The following GPC5 variants were observed in gnomAD, a reference collection of about 807,000 sequenced individuals.
GPC5 encodes the protein glypican 5, also known as glypican-5.
Under a neutral mutation model 53.9 loss-of-function variants are expected in GPC5, and 47 were observed. The observed-to-expected ratio is 0.87, with a 90% CI of 0.69 to 1.11. The LOEUF is 1.11. Ranked by LOEUF, GPC5 falls within the 50% of genes most tolerant of loss-of-function variation. The pLI is 0.00. For missense variants in GPC5, 748 were observed against 713.1 expected (o/e 1.05, Z -0.56); for synonymous variants, 286 against 263.3 (o/e 1.09, Z -0.84).
At chr13:92,799,413 T>C (rs531011822) in intron 7 of GPC5, among the ~76,000 whole-genome samples, 46 of 151,952 alleles carry the variant, frequency 3.0e-4, no homozygotes, top group Non-Finnish European at 6.2e-4. Flanking sequence ...ATTACCATAA[T>C]AACACATAAT....
chr13:91,452,378 A>C (rs1383531937), intron 2 of GPC5, among the ~76,000 whole-genome samples: 7 of 152,184 alleles, frequency 4.6e-5, no homozygotes, highest in Admixed American at 4.6e-4. Flanking sequence ...GGGCAGAAAA[A>C]GAAAACTGCT....
At chr13:92,577,683 C>T (rs529795903) in intron 7 of GPC5, among the ~76,000 whole-genome samples, 1 of 152,150 alleles carries the variant, frequency 6.6e-6, no homozygotes, top group African/African-American at 2.4e-5. Flanking sequence ...ATAAGTTTTG[C>T]TTTCATTTAT....
rs191374941 is a variant in GPC5, at chr13:92,441,640, T to C, written c.1561+296651T>C. ...TACAGCTAACCAAGGAGGGGAAAGA[T>C]CTCTATTACAGATACTATGAAACAC... On this transcript the variant is annotated intron_variant, in intron 7 of 7. Transcript: ENST00000377067. Among the ~76,000 whole-genome samples the C allele has an allele frequency of 3.9e-4, 59 of 152,156 alleles. No homozygotes were observed. In the East Asian group the frequency reaches 0.01, roughly 26 times the overall value.
intron 7 of GPC5, among the ~76,000 whole-genome samples, chr13:92,174,377 C>A (rs934028188): frequency 0.011 from 1,085 of 100,582 alleles, 20 homozygotes; most frequent in African/African-American, 0.033. Context: ...AAAAAAAAAA[C>A]AAAAAAAAAT....
intron 7 of GPC5, among the ~76,000 whole-genome samples, chr13:92,757,342 A>G (rs1227448158): frequency 1.3e-5 from 2 of 152,234 alleles, no homozygotes; most frequent in South Asian, 2.1e-4. Flanking sequence ...AAGATGGATT[A>G]AAGACTTAAA....
At chr13:92,196,918 C>T (rs542090756) in intron 7 of GPC5, among the ~76,000 whole-genome samples, 388 of 152,202 alleles carry the variant, frequency 2.5e-3, no homozygotes, top group Non-Finnish European at 4.6e-3. Flanking sequence ...TGACATGCTC[C>T]TAAGTTAAAA....
chr13:91,499,449 A>G (rs1458799227), intron 2 of GPC5, among the ~76,000 whole-genome samples: 1 of 152,186 alleles, frequency 6.6e-6, no homozygotes, highest in Admixed American at 6.5e-5. Context: ...TTCTGCTCCT[A>G]ATTCTCCAAA....
At chr13:92,347,702 T>C (rs1050457510) in intron 7 of GPC5, among the ~76,000 whole-genome samples, 6 of 147,166 alleles carry the variant, frequency 4.1e-5, no homozygotes, top group African/African-American at 1.5e-4. Context: ...GGCAAAACTA[T>C]TAAAACTATA....
At chr13:91,778,098 A>G (rs930728383) in intron 5 of GPC5, among the ~76,000 whole-genome samples, 2 of 152,158 alleles carry the variant, frequency 1.3e-5, no homozygotes, top group African/African-American at 4.8e-5. Context: ...ACAGTCCACA[A>G]ACTCCTATAA....
chr13:92,606,731 A>G (rs917069430), intron 7 of GPC5, among the ~76,000 whole-genome samples: 5 of 152,046 alleles, frequency 3.3e-5, no homozygotes, highest in Admixed American at 6.5e-5. Context: ...GAAGGGTGAT[A>G]TTACAAGGGG....
rs2041856911 is a variant in GPC5, at chr13:92,144,994, G to C, written c.1561+5G>C. ...GGACACTGAAGATCACAGACTGTAA[G>C]TGTATGATTCTAACACCACTTTTTT... is the stretch of plus-strand genomic sequence containing the variant. On this transcript the variant is annotated splice_donor_5th_base_variant and intron_variant, in intron 7 of 7. Coordinates refer to ENST00000377067, the MANE Select transcript of GPC5 (RefSeq NM_004466.6). 3 of 1,431,636 alleles carry C rather than the reference G, an allele frequency of 2.1e-6. No individual in the cohort carries two copies. Among genetic ancestry groups the C allele is most frequent in the African/African-American group, 1.5e-5 (1 of 68,004 alleles). 88.7% of individuals were successfully genotyped at this position (1,431,636 alleles called of 1,614,324 possible).
chr13:91,844,081 A>G (rs2038821221), intron 5 of GPC5, among the ~76,000 whole-genome samples: 1 of 152,168 alleles, frequency 6.6e-6, no homozygotes, highest in Non-Finnish European at 1.5e-5. Context: ...TTTTACCAGG[A>G]CAGGAGGTAA....
At chr13:91,914,665 T>TATATTATA (rs1371002516) in intron 6 of GPC5, among the ~76,000 whole-genome samples, 1 of 149,410 alleles carries the variant, frequency 6.7e-6, no homozygotes, top group Non-Finnish European at 1.5e-5. Flanking sequence ...ACTCTGTTCT[T>TATATTATA]AGGATACCGA....
chr13:92,783,887 T>C (rs1227929022), intron 7 of GPC5, among the ~76,000 whole-genome samples: 1 of 152,106 alleles, frequency 6.6e-6, no homozygotes, highest in African/African-American at 2.4e-5. Context: ...AAATTTTAAT[T>C]TTTAGAAAGA....
intron 1 of GPC5, among the ~76,000 whole-genome samples, chr13:91,435,796 G>A (rs553855767): frequency 1.3e-5 from 2 of 152,278 alleles, no homozygotes; most frequent in East Asian, 3.9e-4. Flanking sequence ...GATAGAATTT[G>A]GCTGTGAATC....
At chr13:92,086,048 A>G (rs1019180772) in intron 6 of GPC5, among the ~76,000 whole-genome samples, 1 of 152,176 alleles carries the variant, frequency 6.6e-6, no homozygotes, top group African/African-American at 2.4e-5. Flanking sequence ...TCTGGAATAT[A>G]AAAGGTAAAT....
intron 7 of GPC5, among the ~76,000 whole-genome samples, chr13:92,773,852 G>A (rs891206997): frequency 6.6e-6 from 1 of 152,186 alleles, no homozygotes; most frequent in Non-Finnish European, 1.5e-5. Flanking sequence ...AATTTAGAAA[G>A]AAAAGAAGTT....
intron 7 of GPC5, among the ~76,000 whole-genome samples, chr13:92,743,369 T>A (rs968516662): frequency 3.7e-4 from 56 of 152,166 alleles, no homozygotes; most frequent in Non-Finnish European, 6.2e-4. Context: ...AGTTCACTCA[T>A]GATTTGGCTC....
At chr13:91,977,424 A>T (rs910438947) in intron 6 of GPC5, among the ~76,000 whole-genome samples, 1 of 152,168 alleles carries the variant, frequency 6.6e-6, no homozygotes, top group Non-Finnish European at 1.5e-5. Context: ...TTTTAGACAG[A>T]TATTTTTTCA....
Sources: gnomAD v4.1 joint callset for allele counts (sites outside exome capture counted in the v4.1 genomes callset) on GRCh38, gnomAD v4.1.1 for gene constraint, MANE v1.5 for transcripts, NCBI Gene and HGNC (gene_info 2026-07-23, HGNC 2026-07-21) for gene names.